Variants in WWC2 observed in about 807,000 individuals in gnomAD.
The protein encoded by WWC2 is WW and C2 domain containing 2, also known as protein WWC2.
Under a neutral mutation model 138.5 loss-of-function variants are expected in WWC2, and 101 were observed. The observed-to-expected ratio is 0.73, with a 90% CI of 0.62 to 0.86. WWC2 has a LOEUF of 0.86. Ranked by LOEUF, WWC2 falls within the 40% of genes least tolerant of loss-of-function variation. WWC2 has a pLI of 0.00. For synonymous variants in WWC2, 558 were observed against 538.4 expected (o/e 1.04, Z -0.50); for missense variants, 1,420 against 1,419.4 (o/e 1.00, Z -0.01).
At chr4:183,265,650 C>T in intron 12 of WWC2, 38 bp from the exon 13 acceptor site, 1 of 1,567,514 alleles carries the variant, frequency 6.4e-7, no homozygotes, top group South Asian at 1.2e-5. Flanking sequence ...ATCGATAACC[C>T]CATTAATTAA....
chr4:183,158,994 T>G (rs147119558), intron 1 of WWC2, among the ~76,000 whole-genome samples: 8 of 152,334 alleles, frequency 5.3e-5, no homozygotes, highest in Non-Finnish European at 1.0e-4. Context: ...TGTGTGCTTG[T>G]GCCTGTGTGT....
intron 4 of WWC2, among the ~76,000 whole-genome samples, chr4:183,215,208 C>T (rs370170674): frequency 1.3e-5 from 2 of 152,166 alleles, no homozygotes; most frequent in African/African-American, 4.8e-5. Flanking sequence ...GAACAGTCAT[C>T]GCATTATACT....
At chr4:183,224,895 C>A (rs1479042439) in intron 4 of WWC2, among the ~76,000 whole-genome samples, 1 of 152,078 alleles carries the variant, frequency 6.6e-6, no homozygotes, top group African/African-American at 2.4e-5. Context: ...AATTTGTGCT[C>A]ACAGATTTAA....
intron 21 of WWC2, among the ~76,000 whole-genome samples, chr4:183,300,972 T>C (rs1738820795): frequency 1.3e-5 from 2 of 152,168 alleles, no homozygotes; most frequent in South Asian, 4.1e-4. Context: ...TAAAATCACT[T>C]CTAGGTAAGA....
chr4:183,112,334 T>A (rs1459327819), intron 1 of WWC2, among the ~76,000 whole-genome samples: 1 of 152,204 alleles, frequency 6.6e-6, no homozygotes, highest in South Asian at 2.1e-4. Flanking sequence ...TCTAAGTTAT[T>A]TGAGAATAGA....
rs1560903071 is a variant in WWC2, at chr4:183,316,952, AT to A, written c.*1226del. ...TGACTAATGTGTCCTCCAGTTTAGA[AT>A]TTCACCTTACCCGACCCAGGCACTT... On this transcript the variant is annotated 3_prime_UTR_variant, in exon 23 of 23. Coordinates refer to ENST00000403733, the MANE Select transcript of WWC2 (RefSeq NM_024949.6). 1 of 152,118 alleles carries A rather than the reference AT, an allele frequency of 6.6e-6. No homozygotes were observed. The highest frequency in any genetic ancestry group is 2.4e-5 in the African/African-American group (1 of 41,424). 9.4% of individuals were successfully genotyped at this position (152,118 alleles called of 1,614,324 possible).
intron 4 of WWC2, among the ~76,000 whole-genome samples, chr4:183,232,590 G>T (rs1446883591): frequency 1.3e-5 from 2 of 152,140 alleles, no homozygotes. Flanking sequence ...TCATGTTGTG[G>T]CATGTATTAG....
At chr4:183,104,144 T>A (rs1476824527) in intron 1 of WWC2, among the ~76,000 whole-genome samples, 5 of 152,086 alleles carry the variant, frequency 3.3e-5, no homozygotes, top group Non-Finnish European at 5.9e-5. Flanking sequence ...TAGTTTTTTT[T>A]AGTAGAGGTG....
At chr4:183,105,075 A>ATT (rs1743308772) in intron 1 of WWC2, among the ~76,000 whole-genome samples, 2 of 152,022 alleles carry the variant, frequency 1.3e-5, no homozygotes, top group Admixed American at 6.6e-5. Context: ...TACCCGGCTA[A>ATT]TTTTTGTATT....
intron 1 of WWC2, among the ~76,000 whole-genome samples, chr4:183,132,369 A>G (rs1732951962): frequency 6.6e-6 from 1 of 152,136 alleles, no homozygotes; most frequent in African/African-American, 2.4e-5. Flanking sequence ...TTATCAGGTT[A>G]AGGAAGTTCC....
intron 1 of WWC2, among the ~76,000 whole-genome samples, chr4:183,154,002 C>CAAAAAAAAAAAAAA (rs35002790): frequency 5.6e-5 from 4 of 71,640 alleles, no homozygotes; most frequent in African/African-American, 2.3e-4. Flanking sequence ...CTTTAAAAAG[C>CAAAAAAAAAAAAAA]AAAAAAAAAA....
At chr4:183,289,890 G>A (rs551859475) in intron 21 of WWC2, among the ~76,000 whole-genome samples, 2 of 151,644 alleles carry the variant, frequency 1.3e-5, no homozygotes, top group East Asian at 1.9e-4. Context: ...GTGAGGGCGT[G>A]GCCAGTGGGG....
At chr4:183,257,035 G>A (rs1737173725) in intron 9 of WWC2, among the ~76,000 whole-genome samples, 1 of 151,866 alleles carries the variant, frequency 6.6e-6, no homozygotes, top group South Asian at 2.1e-4. Flanking sequence ...GAAATTGCTC[G>A]CAAATGAAAA....
At chr4:183,230,061 G>C (rs1736196003) in intron 4 of WWC2, among the ~76,000 whole-genome samples, 1 of 151,968 alleles carries the variant, frequency 6.6e-6, no homozygotes, top group South Asian at 2.1e-4. Flanking sequence ...CTGGGCTCAG[G>C]CAATCTTCCT....
intron 1 of WWC2, among the ~76,000 whole-genome samples, chr4:183,106,204 G>A (rs998127258): frequency 6.6e-6 from 1 of 151,526 alleles, no homozygotes. Context: ...GGCTAGTCTC[G>A]AACTTCTGAC....
intron 8 of WWC2, among the ~76,000 whole-genome samples, chr4:183,251,988 A>G (rs1224346607): frequency 2.0e-5 from 3 of 152,152 alleles, no homozygotes; most frequent in Non-Finnish European, 4.4e-5. Flanking sequence ...TTTGTGGTTA[A>G]AGCTGAAGAA....
In WWC2 at chr4:183,253,849, A is replaced by G; in HGVS notation, c.1046A>G (p.Asn349Ser). ...GAGAAGGAAAAACTGATGCTGATTA[A>G]TGAAAAAGAAGAACTTTTGAAAGAG... is the stretch of plus-strand genomic sequence containing the variant. Reference protein sequence around the residue: ...DIEKEKLMLINEKEELLKELQ... With the variant: ...DIEKEKLMLISEKEELLKELQ... The change falls in exon 9 of 23, where the codon AAT becomes AGT. Residue 349 changes from asparagine to serine, a missense_variant. Transcript: ENST00000403733. 6.2e-7 allele frequency: 1 copy of G among 1,613,778 alleles called. No individual in the cohort carries two copies. The highest frequency in any genetic ancestry group is 1.1e-5 in the South Asian group (1 of 91,036).
chr4:183,225,861 G>A (rs575547590), intron 4 of WWC2, among the ~76,000 whole-genome samples: 1 of 152,236 alleles, frequency 6.6e-6, no homozygotes, highest in East Asian at 1.9e-4. Context: ...GAACAACTAA[G>A]TTAATAAGCT....
At chr4:183,146,718 A>G (rs1733473118) in intron 1 of WWC2, among the ~76,000 whole-genome samples, 1 of 152,194 alleles carries the variant, frequency 6.6e-6, no homozygotes, top group Non-Finnish European at 1.5e-5. Flanking sequence ...GGAATGTGAC[A>G]ATGACAACGT....
Sources: gnomAD v4.1 joint callset for allele counts (sites outside exome capture counted in the v4.1 genomes callset) on GRCh38, gnomAD v4.1.1 for gene constraint, MANE v1.5 for transcripts, NCBI Gene and HGNC (gene_info 2026-07-23, HGNC 2026-07-21) for gene names.